Variants in ASIC2 observed in about 807,000 individuals in gnomAD.
ASIC2 encodes acid-sensing ion channel 2.
A neutral mutation model predicts 57.3 loss-of-function variants in ASIC2; 25 were observed. The observed-to-expected ratio is 0.44, with a 90% confidence interval of 0.32 to 0.61. ASIC2 has a LOEUF of 0.61. Ranked by LOEUF, ASIC2 falls within the 20% of genes least tolerant of loss-of-function variation. The pLI is 0.06. For synonymous variants in ASIC2, 319 were observed against 307.5 expected, an observed-to-expected ratio of 1.04 and a Z score of -0.39; for missense variants, 641 against 738.1, an observed-to-expected ratio of 0.87 and a Z score of 1.52.
intron 1 of ASIC2, among the ~76,000 whole-genome samples, chr17:33,861,670 G>A (rs754671834): frequency 4.6e-5 from 7 of 152,174 alleles, no homozygotes; most frequent in African/African-American, 9.7e-5. Context: ...CTGAGAGGAA[G>A]GTGAAAAGGC....
intron 1 of ASIC2, among the ~76,000 whole-genome samples, chr17:33,843,469 AT>A (rs145198578): frequency 0.019 from 2,905 of 152,348 alleles, 103 homozygotes; most frequent in African/African-American, 0.067. Context: ...TTAACCGTTT[AT>A]TTTACATATA....
chr17:33,562,660 C>A (rs1175284621), intron 1 of ASIC2, among the ~76,000 whole-genome samples: 1 of 152,158 alleles, frequency 6.6e-6, no homozygotes, highest in African/African-American at 2.4e-5. Flanking sequence ...GCGTCTCAGA[C>A]CAGAGCTGGC....
intron 1 of ASIC2, among the ~76,000 whole-genome samples, chr17:34,128,498 G>A (rs739760): frequency 0.43 from 64,777 of 151,974 alleles, 14,832 homozygotes; most frequent in Middle Eastern, 0.54. Flanking sequence ...AGGAGGAGGG[G>A]CCTGTTTATG....
chr17:33,086,496 G>T (rs2141963040), intron 3 of ASIC2, among the ~76,000 whole-genome samples: 1 of 152,234 alleles, frequency 6.6e-6, no homozygotes, highest in South Asian at 2.1e-4. Context: ...CCTGTTCCTG[G>T]TTCTTTGAAG....
intron 1 of ASIC2, among the ~76,000 whole-genome samples, chr17:33,906,104 G>A (rs1481533621): frequency 6.8e-6 from 1 of 147,364 alleles, no homozygotes; most frequent in African/African-American, 2.5e-5. Context: ...GGGATTACAA[G>A]CGTGAGCCAT....
At chr17:34,067,567 T>G (rs1283161302) in intron 1 of ASIC2, among the ~76,000 whole-genome samples, 2 of 152,174 alleles carry the variant, frequency 1.3e-5, no homozygotes, top group Non-Finnish European at 2.9e-5. Context: ...GGCCCAATAA[T>G]TTATTTCTAA....
intron 1 of ASIC2, among the ~76,000 whole-genome samples, chr17:33,272,153 C>G (rs540357555): frequency 6.6e-6 from 1 of 152,330 alleles, no homozygotes; most frequent in South Asian, 2.1e-4. Context: ...ACTACATGAG[C>G]TAATGAGCTA....
intron 1 of ASIC2, among the ~76,000 whole-genome samples, chr17:33,776,988 C>T (rs994404932): frequency 1.3e-5 from 2 of 152,192 alleles, no homozygotes; most frequent in Admixed American, 6.5e-5. Context: ...TCTCCCCTTC[C>T]GAGCCCTGCG....
intron 1 of ASIC2, among the ~76,000 whole-genome samples, chr17:33,858,324 A>G (rs1914015689): frequency 6.6e-6 from 1 of 152,144 alleles, no homozygotes; most frequent in African/African-American, 2.4e-5. Flanking sequence ...TCCAACTCCC[A>G]TGATACCAAA....
chr17:34,130,952 G>A lies in ASIC2; in HGVS notation c.555+25026C>T, dbSNP rs181075318. Among the ~76,000 whole-genome samples, 6 of 152,318 alleles carry A rather than the reference G, an allele frequency of 3.9e-5. No homozygotes were observed. In the East Asian group the frequency reaches 9.6e-4, roughly 24 times the overall value. ...CAAGTATTTAAGGAATGAGTACAGC[G>A]AGTAGGGAGAGATCGAGAAAGCCTT... On this transcript the variant is annotated intron_variant, in intron 1 of 9. Coordinates refer to the ASIC2 transcript ENST00000359872.
intron 1 of ASIC2, among the ~76,000 whole-genome samples, chr17:33,386,956 G>C (rs1397052533): frequency 1.3e-5 from 2 of 152,098 alleles, no homozygotes; most frequent in East Asian, 3.9e-4. Flanking sequence ...GTGTGTGTGT[G>C]TGTCTGTGTG....
At chr17:33,677,382 C>T (rs898417718) in intron 1 of ASIC2, among the ~76,000 whole-genome samples, 18 of 152,110 alleles carry the variant, frequency 1.2e-4, no homozygotes, top group African/African-American at 3.4e-4. Flanking sequence ...ATCTATTCTG[C>T]GCCCATGGAT....
intron 1 of ASIC2, among the ~76,000 whole-genome samples, chr17:33,322,773 T>A (rs1906920625): frequency 6.6e-6 from 1 of 151,344 alleles, no homozygotes; most frequent in African/African-American, 2.4e-5. Flanking sequence ...AGAAGGAGCA[T>A]CTCACCCAGG....
At position 34,099,618 on chromosome 17, in the gene ASIC2, GAA is replaced by G. The variant is rs532150141; in HGVS notation, c.555+56358_555+56359del. ...AGAGAAAAAAGAGAGAAAGAGGAAA[GAA>G]AGAAAAAGAAAAAGAAAGAAAGAAA... is the stretch of plus-strand genomic sequence containing the variant. On this transcript the variant is annotated intron_variant, in intron 1 of 9. Coordinates refer to the ASIC2 transcript ENST00000359872. Among the ~76,000 whole-genome samples the G allele has an allele frequency of 9.3e-5, 11 of 118,336 alleles. No homozygotes were observed. The South Asian group carries it at 2.6e-3, about 28-fold the overall frequency. The allele number at this position is 118,336 out of a possible 152,430, so 77.6% of individuals were successfully genotyped here. A position where few individuals can be genotyped will look rare whatever the true frequency, so the allele number is the denominator to read the frequency against.
At chr17:34,120,722 CTTTTTTTTTTTTTTTTCT>C (rs1248891718) in intron 1 of ASIC2, among the ~76,000 whole-genome samples, 1 of 94,626 alleles carries the variant, frequency 1.1e-5, no homozygotes, top group African/African-American at 4.1e-5. Context: ...TGGGGTCCTT[CTTTTTTTTTTTTTTTTCT>C]TTTTTTTTTT....
At chr17:33,320,649 C>T (rs976959729) in intron 1 of ASIC2, among the ~76,000 whole-genome samples, 1 of 152,140 alleles carries the variant, frequency 6.6e-6, no homozygotes, top group Admixed American at 6.5e-5. Context: ...GGTTGGATTC[C>T]ATAAGTGATT....
intron 1 of ASIC2, among the ~76,000 whole-genome samples, chr17:33,362,975 A>G (rs1167265122): frequency 6.6e-6 from 1 of 152,242 alleles, no homozygotes; most frequent in Non-Finnish European, 1.5e-5. Flanking sequence ...AAGTCTGATA[A>G]GAAAAATCCT....
intron 1 of ASIC2, 173 bp from the exon 2 acceptor site, chr17:33,112,240 C>G (rs1208633211): frequency 1.1e-6 from 1 of 881,780 alleles, no homozygotes; most frequent in Non-Finnish European, 1.6e-6. Context: ...CTGACTTGTA[C>G]CAAGTGAAAT....
At position 33,099,391 on chromosome 17, in the gene ASIC2, G is replaced by A. The variant is rs569378150; in HGVS notation, c.860-10401C>T. Among the ~76,000 whole-genome samples the A allele has an allele frequency of 2.6e-5, 4 of 152,286 alleles. No homozygotes were observed. The South Asian group carries it at 8.3e-4, about 32-fold the overall frequency. On this transcript the variant is annotated intron_variant, in intron 2 of 9. Transcript: ENST00000225823. Reference sequence around the variant, plus strand: ...CTGTCTACATCATAGGAGTGTATGAGGATCAGTGGCTGGAATGTGGGAAAG... The same window carrying A: ...CTGTCTACATCATAGGAGTGTATGAAGATCAGTGGCTGGAATGTGGGAAAG...
Sources: gnomAD v4.1 joint callset for allele counts (sites outside exome capture counted in the v4.1 genomes callset) on GRCh38, gnomAD v4.1.1 for gene constraint, MANE v1.5 for transcripts, NCBI Gene and HGNC (gene_info 2026-07-23, HGNC 2026-07-21) for gene names.